Variants in NTRK3 observed in about 807,000 individuals in gnomAD.
NTRK3 encodes the protein NT-3 growth factor receptor.
In NTRK3, 24 loss-of-function variants were observed where a neutral mutation model predicts 91.7. The ratio of observed to expected loss-of-function variants is 0.26; its 90% CI spans 0.19 to 0.37. The LOEUF (loss-of-function observed/expected upper bound fraction) is 0.37, where lower values mean the gene tolerates loss of function less well. NTRK3 is among the 10% of genes least tolerant of loss of function. The pLI is 1.00. For synonymous variants in NTRK3, 483 were observed against 404.0 expected (o/e 1.20, Z -2.34); for missense variants, 880 against 1,068.9 (o/e 0.82, Z 2.46).
rs200667345 is a variant in NTRK3 at position 88,180,704 on chromosome 15, A to AAG, written c.395+2713_395+2714insCT. ...CCTAAAAAAAAAAAAAAAAAAAGCC[A>AAG]CCAAGCCAGGGCTCGGCAATTAGTG... On this transcript the variant is annotated intron_variant, in intron 5 of 18. Transcript: ENST00000394480. Among the ~76,000 whole-genome samples the AAG allele has an allele frequency of 4.5e-3, 655 of 145,740 alleles. 4 individuals carry two copies. Among genetic ancestry groups the AAG allele is most frequent in the African/African-American group, 0.016 (620 of 39,128 alleles).
At chr15:88,073,712 GAGA>G (rs1411815899) in intron 13 of NTRK3, among the ~76,000 whole-genome samples, 1 of 152,150 alleles carries the variant, frequency 6.6e-6, no homozygotes, top group Non-Finnish European at 1.5e-5. Context: ...AGGACAAAGA[GAGA>G]AGAAGGCAAG....
Position 87,937,406 on chromosome 15 carries a change from A to G in NTRK3, c.1716+3217T>C, listed in dbSNP as rs191157271. Among the ~76,000 whole-genome samples, 1,184 of 152,348 alleles carry G rather than the reference A, an allele frequency of 7.8e-3. 4 individuals carry two copies. Among genetic ancestry groups the G allele is most frequent in the Non-Finnish European group, 0.013 (861 of 68,042 alleles). On this transcript the variant is annotated intron_variant, in intron 15 of 18. Transcript: ENST00000394480. ...TGGTTAAAAATACTGTTAAGAGTGG[A>G]AGGAAAAAGCATAAAAACATTGGGA...
chr15:87,975,044 C>T (rs2073605219), intron 14 of NTRK3, among the ~76,000 whole-genome samples: 1 of 152,190 alleles, frequency 6.6e-6, no homozygotes, highest in South Asian at 2.1e-4. Flanking sequence ...GAAACCTGAG[C>T]TAGTTATTCA....
intron 14 of NTRK3, among the ~76,000 whole-genome samples, chr15:87,969,515 G>A (rs1463468637): frequency 1.3e-5 from 2 of 152,114 alleles, no homozygotes; most frequent in Non-Finnish European, 2.9e-5. Context: ...TTCAAGGCTG[G>A]GGCAGCTAAA....
intron 14 of NTRK3, among the ~76,000 whole-genome samples, chr15:87,951,777 G>A (rs1054221531): frequency 1.3e-5 from 2 of 152,154 alleles, no homozygotes; most frequent in East Asian, 1.9e-4. Context: ...CGAAGTCCAC[G>A]GAAATGTAGA....
intron 5 of NTRK3, among the ~76,000 whole-genome samples, chr15:88,156,988 ACT>A (rs144906012): frequency 6.6e-6 from 1 of 152,020 alleles, no homozygotes; most frequent in Non-Finnish European, 1.5e-5. Flanking sequence ...GCACAAAGAG[ACT>A]CTGCAGAGAC....
chr15:87,982,115 G>A lies in NTRK3; in HGVS notation c.1586-41362C>T, dbSNP rs934576600. Among the ~76,000 whole-genome samples the A allele has an allele frequency of 1.1e-4, 16 of 152,276 alleles. No homozygotes were observed. The East Asian group carries it at 1.5e-3, about 15-fold the overall frequency. ...CGCCTAAGTCTCTGCCAATGTCCCC[G>A]AAGCTGCCTTCGTGAACATGAGCCC... On this transcript the variant is annotated intron_variant, in intron 14 of 18. Transcript: ENST00000394480.
At chr15:88,059,261 A>C (rs1001434958) in intron 13 of NTRK3, among the ~76,000 whole-genome samples, 3 of 152,228 alleles carry the variant, frequency 2.0e-5, no homozygotes, top group African/African-American at 7.2e-5. Context: ...TGGATTCTGC[A>C]GTCCCTTCGG....
chr15:87,915,961 C>A (rs1199537001), intron 17 of NTRK3, among the ~76,000 whole-genome samples: 1 of 152,150 alleles, frequency 6.6e-6, no homozygotes, highest in Non-Finnish European at 1.5e-5. Context: ...GGCCCATCTG[C>A]TCTTGGGCTA....
chr15:88,047,735 A>C (rs2080365625), intron 13 of NTRK3, among the ~76,000 whole-genome samples: 1 of 152,200 alleles, frequency 6.6e-6, no homozygotes, highest in African/African-American at 2.4e-5. Flanking sequence ...GGGCGACCAC[A>C]CATCCTGATC....
At chr15:88,185,470 T>G (rs1158132573) in intron 3 of NTRK3, among the ~76,000 whole-genome samples, 1 of 152,178 alleles carries the variant, frequency 6.6e-6, no homozygotes, top group Non-Finnish European at 1.5e-5. Flanking sequence ...ATTACACTAT[T>G]AATTATCAAA....
At chr15:88,003,703 A>G (rs2076278443) in intron 14 of NTRK3, among the ~76,000 whole-genome samples, 1 of 152,208 alleles carries the variant, frequency 6.6e-6, no homozygotes, top group East Asian at 1.9e-4. Flanking sequence ...CTCATTGCTA[A>G]GCCAATATAA....
intron 13 of NTRK3, among the ~76,000 whole-genome samples, chr15:88,057,168 CAAAAAAAAAAAAAAAG>C (rs1266373411): frequency 1.7e-5 from 1 of 59,158 alleles, no homozygotes; most frequent in Non-Finnish European, 3.4e-5. Flanking sequence ...AACTCCGTCT[CAAAAAAAAAAAAAAAG>C]AAAAAAAGAA....
rs115076155 is a variant in NTRK3, at chr15:87,903,539, A to G, written c.2134-23111T>C. Among the ~76,000 whole-genome samples, 475 of 152,308 alleles carry G rather than the reference A, an allele frequency of 3.1e-3. 3 individuals are homozygous for G. Among genetic ancestry groups the G allele is most frequent in the African/African-American group, 0.011 (461 of 41,570 alleles). On this transcript the variant is annotated intron_variant, in intron 17 of 18. Transcript: ENST00000394480. ...GCTCTGAGACACTATATTTCTTCAGATCATCAGAAAGCAAAATGCTAAGGC... is the reference window on the plus strand; with the variant it reads ...GCTCTGAGACACTATATTTCTTCAGGTCATCAGAAAGCAAAATGCTAAGGC...
chr15:88,169,321 G>T (rs1348376067), intron 5 of NTRK3, among the ~76,000 whole-genome samples: 1 of 152,200 alleles, frequency 6.6e-6, no homozygotes, highest in Non-Finnish European at 1.5e-5. Flanking sequence ...CATGTAGAAT[G>T]GTTCAGAGTA....
chr15:87,883,872 A>G lies in NTRK3; in HGVS notation c.2134-3444T>C, dbSNP rs890023808. ...TTATTGTAACAATAACTAAAGTCCT[A>G]TTTCTTGAAATCTATGAAATATAAC... On this transcript the variant is annotated intron_variant, in intron 17 of 18. Transcript: ENST00000394480. 4.6e-5 allele frequency among the ~76,000 whole-genome samples: 7 copies of G among 151,324 alleles called. No individual in the cohort carries two copies. The South Asian group carries it at 1.5e-3, about 31-fold the overall frequency.
rs891303313 is a variant in NTRK3 at position 88,233,410 on chromosome 15, C to G, written c.248+22496G>C. On this transcript the variant is annotated intron_variant, in intron 3 of 18. Coordinates refer to ENST00000394480, the Ensembl canonical transcript of NTRK3. The surrounding 1 kb of genome is among the most constrained non-coding windows in gnomAD (Gnocchi z 4.2). ...TGAAGGCAAGGGAATGGGCTGCTGCCATACAGCCTGCAGGCTCTTTAAGCA... is the reference window on the plus strand; with the variant it reads ...TGAAGGCAAGGGAATGGGCTGCTGCGATACAGCCTGCAGGCTCTTTAAGCA... Among the ~76,000 whole-genome samples, 1 of 152,072 alleles carries G rather than the reference C, an allele frequency of 6.6e-6. No individual in the cohort carries two copies. The highest frequency in any genetic ancestry group is 1.9e-4 in the East Asian group (1 of 5,164).
intron 14 of NTRK3, among the ~76,000 whole-genome samples, chr15:88,005,286 C>G (rs1026358088): frequency 6.6e-6 from 1 of 152,140 alleles, no homozygotes; most frequent in African/African-American, 2.4e-5. Flanking sequence ...CCAGTTCATT[C>G]AGGACTTCTG....
chr15:88,041,490 G>C (rs2079605556), intron 13 of NTRK3, among the ~76,000 whole-genome samples: 1 of 152,166 alleles, frequency 6.6e-6, no homozygotes, highest in South Asian at 2.1e-4. Flanking sequence ...AAAGTAAGCA[G>C]AAGTGAGGAT....
Sources: allele counts gnomAD v4.1 joint callset (sites outside exome capture counted in the v4.1 genomes callset), GRCh38; gene constraint gnomAD v4.1.1; non-coding constraint Gnocchi (gnomAD v3.1); transcripts MANE v1.5; gene names NCBI Gene and HGNC (gene_info 2026-07-23, HGNC 2026-07-21).